Variants in CHRM3 observed in about 807,000 individuals in gnomAD.
CHRM3 encodes the protein cholinergic receptor muscarinic 3, also known as muscarinic acetylcholine receptor M3.
A neutral mutation model predicts 41.8 loss-of-function variants in CHRM3; 11 were observed. The observed-to-expected ratio is 0.26, with a 90% CI of 0.17 to 0.44. The LOEUF (loss-of-function observed/expected upper bound fraction) is 0.44, where lower values mean the gene tolerates loss of function less well. Ranked by LOEUF, CHRM3 falls within the 20% of genes least tolerant of loss-of-function variation. The pLI is 1.00. For missense variants in CHRM3, 571 were observed against 745.4 expected, an observed-to-expected ratio of 0.77 and a Z score of 2.72; for synonymous variants, 297 against 301.4, an observed-to-expected ratio of 0.99 and a Z score of 0.15.
intron 5 of CHRM3, among the ~76,000 whole-genome samples, chr1:239,691,714 CT>C (rs1040774882): frequency 4.6e-5 from 7 of 151,982 alleles, no homozygotes; most frequent in Non-Finnish European, 1.0e-4. Flanking sequence ...TGTTATTAAC[CT>C]TTTTTTCCTC....
chr1:239,458,724 A>G (rs1404242358), intron 1 of CHRM3, among the ~76,000 whole-genome samples: 1 of 152,186 alleles, frequency 6.6e-6, no homozygotes, highest in African/African-American at 2.4e-5. Context: ...TTTGAAAGAT[A>G]CTTCTTTTTA....
At chr1:239,869,664 C>A (rs1676409579) in intron 6 of CHRM3, among the ~76,000 whole-genome samples, 1 of 152,170 alleles carries the variant, frequency 6.6e-6, no homozygotes, top group South Asian at 2.1e-4. Flanking sequence ...CTGACCCCCC[C>A]AGAGCTTATA....
chr1:239,411,685 A>C lies in CHRM3; in HGVS notation c.-521+24458A>C, dbSNP rs1034393099. Among the ~76,000 whole-genome samples the C allele has an allele frequency of 2.5e-5, 3 of 121,308 alleles. No homozygotes were observed. The South Asian group carries it at 8.7e-4, about 35-fold the overall frequency. The allele number at this position is 121,308 out of a possible 152,430, so 79.6% of individuals were successfully genotyped here. Reference sequence around the variant, plus strand: ...GGTTGCAGTGAGCCAAGATCGCCCCATTGCAGTCCAGCCTGGGCGACAGAG... The same window carrying C: ...GGTTGCAGTGAGCCAAGATCGCCCCCTTGCAGTCCAGCCTGGGCGACAGAG... On this transcript the variant is annotated intron_variant, in intron 1 of 6. Transcript: ENST00000676153.
intron 1 of CHRM3, among the ~76,000 whole-genome samples, chr1:239,441,360 A>T (rs565661252): frequency 6.6e-6 from 1 of 152,324 alleles, no homozygotes; most frequent in Non-Finnish European, 1.5e-5. Context: ...AGACTATTGT[A>T]CCTTTCATCA....
chr1:239,392,223 A>G (rs1347084138), intron 1 of CHRM3, among the ~76,000 whole-genome samples: 1 of 152,134 alleles, frequency 6.6e-6, no homozygotes, highest in Non-Finnish European at 1.5e-5. Flanking sequence ...CTCTCCTGAC[A>G]GTGCATCATT....
chr1:239,670,367 T>A (rs1674235974), intron 4 of CHRM3, among the ~76,000 whole-genome samples: 1 of 152,126 alleles, frequency 6.6e-6, no homozygotes, highest in East Asian at 1.9e-4. Flanking sequence ...TTTCTGTGTC[T>A]GACTTCTTTT....
chr1:239,424,054 CAAAAAAA>C (rs772980892), intron 1 of CHRM3, among the ~76,000 whole-genome samples: 2 of 78,916 alleles, frequency 2.5e-5, no homozygotes, highest in East Asian at 4.0e-4. Context: ...GACTCTGTCT[CAAAAAAA>C]AAAAAAAAAA....
At chr1:239,621,993 T>G (rs1011343476) in intron 3 of CHRM3, among the ~76,000 whole-genome samples, 1 of 152,128 alleles carries the variant, frequency 6.6e-6, no homozygotes, top group Non-Finnish European at 1.5e-5. Flanking sequence ...CTAGTTAAGT[T>G]GAAGGTAACA....
intron 5 of CHRM3, among the ~76,000 whole-genome samples, chr1:239,765,926 C>T (rs904801042): frequency 1.3e-5 from 2 of 150,912 alleles, no homozygotes; most frequent in Non-Finnish European, 2.9e-5. Flanking sequence ...AAGCAATTCT[C>T]CGGTCTCAGC....
At chr1:239,806,417 T>TTTAC (rs1553272109) in intron 5 of CHRM3, among the ~76,000 whole-genome samples, 1 of 146,030 alleles carries the variant, frequency 6.8e-6, no homozygotes, top group African/African-American at 2.6e-5. Flanking sequence ...AGGATGGAGT[T>TTTAC]ACACACACAC....
chr1:239,613,137 C>T (rs1667252048), intron 3 of CHRM3, among the ~76,000 whole-genome samples: 1 of 152,170 alleles, frequency 6.6e-6, no homozygotes, highest in Non-Finnish European at 1.5e-5. Context: ...CCATATGGCT[C>T]TCCCAGCACT....
intron 3 of CHRM3, among the ~76,000 whole-genome samples, chr1:239,581,395 G>A (rs976156852): frequency 2.0e-4 from 29 of 147,428 alleles, no homozygotes; most frequent in East Asian, 6.2e-4. Context: ...ATTCAAATAC[G>A]GGCCTGTTTA....
chr1:239,403,764 C>G (rs184529121), intron 1 of CHRM3, among the ~76,000 whole-genome samples: 1 of 151,720 alleles, frequency 6.6e-6, no homozygotes, highest in Non-Finnish European at 1.5e-5. Context: ...GGCCCAGGAT[C>G]GTATACATCA....
intron 5 of CHRM3, among the ~76,000 whole-genome samples, chr1:239,767,183 C>A (rs1257822208): frequency 6.6e-6 from 1 of 152,056 alleles, no homozygotes; most frequent in East Asian, 1.9e-4. Context: ...ACATGAAAAC[C>A]AGGCTGGCGT....
At chr1:239,529,908 T>G (rs77039693) in intron 2 of CHRM3, among the ~76,000 whole-genome samples, 2 of 151,676 alleles carry the variant, frequency 1.3e-5, no homozygotes, top group African/African-American at 4.8e-5. Context: ...TTATTATTAT[T>G]TTTTTTTGAG....
At chr1:239,495,067 G>A (rs191582461) in intron 2 of CHRM3, among the ~76,000 whole-genome samples, 2 of 152,210 alleles carry the variant, frequency 1.3e-5, no homozygotes, top group East Asian at 1.9e-4. Context: ...ATTTCTGACT[G>A]TACTAAGACA....
intron 1 of CHRM3, among the ~76,000 whole-genome samples, chr1:239,468,453 C>G (rs1488595210): frequency 1.3e-5 from 2 of 152,054 alleles, no homozygotes; most frequent in Non-Finnish European, 1.5e-5. Flanking sequence ...ATTAAATTTG[C>G]TGAAGTTAAT....
chr1:239,781,250 C>G (rs142397935), intron 5 of CHRM3, among the ~76,000 whole-genome samples: 1 of 152,118 alleles, frequency 6.6e-6, no homozygotes, highest in East Asian at 1.9e-4. Context: ...TGAAACATCT[C>G]TCCATTTATT....
chr1:239,406,700 C>T (rs1444966934), intron 1 of CHRM3, among the ~76,000 whole-genome samples: 1 of 152,170 alleles, frequency 6.6e-6, no homozygotes, highest in African/African-American at 2.4e-5. Context: ...AGAAGTAATG[C>T]CCACTGACCC....
Sources: allele counts gnomAD v4.1 joint callset (sites outside exome capture counted in the v4.1 genomes callset), GRCh38; gene constraint gnomAD v4.1.1; transcripts MANE v1.5; gene names NCBI Gene and HGNC (gene_info 2026-07-23, HGNC 2026-07-21).